The following EHBP1 variants were observed in gnomAD, a reference collection of about 807,000 sequenced individuals.
EHBP1 encodes the protein EH domain binding protein 1.
A neutral mutation model predicts 144.0 loss-of-function variants in EHBP1; 55 were observed. The observed-to-expected ratio is 0.38, with a 90% confidence interval of 0.31 to 0.48. The LOEUF (loss-of-function observed/expected upper bound fraction) is 0.48, where lower values mean the gene tolerates loss of function less well. EHBP1 is among the 20% of genes least tolerant of loss of function. The pLI is 0.98. For missense variants in EHBP1, 1,200 were observed against 1,364.2 expected, an observed-to-expected ratio of 0.88 and a Z score of 1.90; for synonymous variants, 469 against 472.7, an observed-to-expected ratio of 0.99 and a Z score of 0.10.
chr2:62,722,724 T>C (rs2036357358), intron 2 of EHBP1, among the ~76,000 whole-genome samples: 1 of 152,214 alleles, frequency 6.6e-6, no homozygotes, highest in Admixed American at 6.5e-5. Context: ...CTTGACACTT[T>C]TGAAGAGTGT....
At chr2:62,789,537 A>G (rs1305955194) in intron 5 of EHBP1, among the ~76,000 whole-genome samples, 1 of 152,054 alleles carries the variant, frequency 6.6e-6, no homozygotes, top group Non-Finnish European at 1.5e-5. Flanking sequence ...AACGTGCACA[A>G]CCTCTGATCT....
chr2:62,689,557 T>C (rs1207981667), intron 1 of EHBP1, among the ~76,000 whole-genome samples: 2 of 152,072 alleles, frequency 1.3e-5, no homozygotes, highest in African/African-American at 4.8e-5. Context: ...GGCAGGAGAA[T>C]TGCTTGAACC....
At chr2:62,938,295 A>C (rs1254783209) in intron 10 of EHBP1, among the ~76,000 whole-genome samples, 1 of 152,236 alleles carries the variant, frequency 6.6e-6, no homozygotes, top group Non-Finnish European at 1.5e-5. Context: ...AATAGTTGGA[A>C]TCCTGGGAAT....
intron 19 of EHBP1, among the ~76,000 whole-genome samples, chr2:63,009,569 C>G (rs1279578579): frequency 6.6e-6 from 1 of 151,358 alleles, no homozygotes; most frequent in Non-Finnish European, 1.5e-5. Flanking sequence ...AAACAGTATT[C>G]CAAATAATTT....
intron 2 of EHBP1, among the ~76,000 whole-genome samples, chr2:62,719,007 G>T (rs1240571610): frequency 6.7e-6 from 1 of 149,082 alleles, no homozygotes; most frequent in Non-Finnish European, 1.5e-5. Flanking sequence ...TTGAGCTAGG[G>T]TCTCACTCCC....
chr2:62,673,921 C>T, exon 1 of EHBP1: 1 of 417,074 alleles, frequency 2.4e-6, no homozygotes, highest in South Asian at 1.8e-5. Flanking sequence ...CAGCGAGAGA[C>T]TGGGGATTTG....
At chr2:62,896,695 AC>A (rs1457870082) in intron 10 of EHBP1, among the ~76,000 whole-genome samples, 1 of 151,094 alleles carries the variant, frequency 6.6e-6, no homozygotes, top group Non-Finnish European at 1.5e-5. Flanking sequence ...AAAAAAAAAA[AC>A]AAAAAACCCT....
intron 10 of EHBP1, among the ~76,000 whole-genome samples, chr2:62,921,146 A>T (rs907015948): frequency 1.6e-4 from 24 of 152,202 alleles, no homozygotes; most frequent in African/African-American, 5.5e-4. Context: ...TAATTTTAGG[A>T]TGTTAAATGT....
At chr2:62,755,691 A>G (rs1313584580) in intron 3 of EHBP1, among the ~76,000 whole-genome samples, 1 of 152,188 alleles carries the variant, frequency 6.6e-6, no homozygotes, top group Non-Finnish European at 1.5e-5. Flanking sequence ...TCTTACCATT[A>G]ACATATGAGA....
chr2:62,996,559 A>G lies in EHBP1; in HGVS notation c.2980-84A>G, dbSNP rs1433603905. On this transcript the variant is annotated intron_variant, in intron 18 of 22. Coordinates refer to ENST00000431489, the MANE Select transcript of EHBP1 (RefSeq NM_001142616.3). ...TAACGGTGTATTTGGTTCTCTAGGT[A>G]AGTGCTTTACTAAGTGTTTGTAGAA... 3 of 1,555,802 alleles carry G rather than the reference A, an allele frequency of 1.9e-6. No homozygotes were observed. The African/African-American group carries it at 4.1e-5, about 21-fold the overall frequency.
chr2:62,834,836 A>T (rs570472705), intron 7 of EHBP1, among the ~76,000 whole-genome samples: 4 of 152,180 alleles, frequency 2.6e-5, no homozygotes, highest in Non-Finnish European at 5.9e-5. Flanking sequence ...CGCACTTTTC[A>T]TATATGTGGG....
chr2:62,968,204 A>T (rs1292285868), intron 14 of EHBP1, among the ~76,000 whole-genome samples: 1 of 152,182 alleles, frequency 6.6e-6, no homozygotes, highest in Non-Finnish European at 1.5e-5. Context: ...TAATACTACT[A>T]GCATAGAACT....
At chr2:62,982,545 C>T (rs1481942788) in intron 15 of EHBP1, among the ~76,000 whole-genome samples, 1 of 152,138 alleles carries the variant, frequency 6.6e-6, no homozygotes, top group African/African-American at 2.4e-5. Context: ...TTAGTGTCCA[C>T]TCTTCTAGGG....
chr2:62,786,035 T>C (rs551088647), intron 5 of EHBP1, among the ~76,000 whole-genome samples: 3 of 152,282 alleles, frequency 2.0e-5, no homozygotes, highest in African/African-American at 7.2e-5. Context: ...AACTAAACAT[T>C]GTTATAAGCA....
intron 2 of EHBP1, among the ~76,000 whole-genome samples, chr2:62,709,744 G>GGTACTTAATACTTAGTATTAA (rs2034956231): frequency 6.6e-6 from 1 of 151,414 alleles, no homozygotes; most frequent in Non-Finnish European, 1.5e-5. Flanking sequence ...AAGTATTGGG[G>GGTACTTAATACTTAGTATTAA]GTACTTAATA....
intron 2 of EHBP1, among the ~76,000 whole-genome samples, chr2:62,713,617 G>A (rs914984431): frequency 3.3e-5 from 5 of 152,116 alleles, no homozygotes; most frequent in Non-Finnish European, 7.4e-5. Flanking sequence ...GAAGAGGCAA[G>A]GTAAGAAAGG....
At chr2:62,739,990 ATATTTATT>A (rs924309615) in intron 2 of EHBP1, among the ~76,000 whole-genome samples, 5 of 151,312 alleles carry the variant, frequency 3.3e-5, no homozygotes, top group African/African-American at 1.2e-4. Flanking sequence ...TGTTAGTAAG[ATATTTATT>A]TATTTATTTA....
intron 5 of EHBP1, among the ~76,000 whole-genome samples, chr2:62,795,650 T>C (rs566105589): frequency 3.3e-4 from 51 of 152,258 alleles, no homozygotes; most frequent in African/African-American, 9.9e-4. Context: ...TAATAATATT[T>C]GCCTCTTTTT....
intron 15 of EHBP1, 29 bp downstream of exon 15, chr2:62,979,364 C>T (rs185503830): frequency 1.9e-6 from 3 of 1,605,936 alleles, no homozygotes; most frequent in East Asian, 2.2e-5. Context: ...TATCATTCTA[C>T]AGACAACCCA....
Sources: gnomAD v4.1 joint callset for allele counts (sites outside exome capture counted in the v4.1 genomes callset) on GRCh38, gnomAD v4.1.1 for gene constraint, MANE v1.5 for transcripts, NCBI Gene and HGNC (gene_info 2026-07-23, HGNC 2026-07-21) for gene names.